The following GSE1 variants were observed in gnomAD, a reference collection of about 807,000 sequenced individuals.
GSE1 encodes genetic suppressor element 1.
In GSE1, 32 loss-of-function variants were observed where a neutral mutation model predicts 112.6. The ratio of observed to expected loss-of-function variants is 0.28; its 90% CI spans 0.21 to 0.38. The LOEUF is 0.38. Among genes scored for constraint, GSE1 ranks in the 10% least tolerant of loss-of-function variants. The pLI is 1.00. For missense variants in GSE1, 2,348 were observed against 1,699.2 expected (o/e 1.38, Z -6.71); for synonymous variants, 1,115 against 735.6 (o/e 1.52, Z -8.35).
intron 8 of GSE1, among the ~76,000 whole-genome samples, chr16:85,658,808 TTCCTCAGGGC>T (rs566010285): frequency 6.6e-6 from 1 of 152,122 alleles, no homozygotes; most frequent in Non-Finnish European, 1.5e-5. Flanking sequence ...AGGCATCTTC[TTCCTCAGGGC>T]TCCCCAGGGC....
At chr16:85,203,612 C>T (rs765471697) in intron 1 of GSE1, among the ~76,000 whole-genome samples, 9 of 152,198 alleles carry the variant, frequency 5.9e-5, no homozygotes, top group Non-Finnish European at 1.2e-4. Flanking sequence ...GATAGGCAGC[C>T]AAGGCCAAGC....
chr16:85,577,869 G>T (rs556631513), intron 1 of GSE1, among the ~76,000 whole-genome samples: 29 of 152,370 alleles, frequency 1.9e-4, no homozygotes, highest in Admixed American at 4.6e-4. Flanking sequence ...GCATTTCTCA[G>T]TTGAGCTGAG....
At chr16:85,400,249 TTG>T (rs60393248) in intron 2 of GSE1, among the ~76,000 whole-genome samples, 15,648 of 150,452 alleles carry the variant, frequency 0.1, 2,064 homozygotes, top group African/African-American at 0.29. Flanking sequence ...AAGTGTAGGG[TTG>T]TGTGTGTGTG....
chr16:85,575,634 GT>G lies in GSE1; in HGVS notation c.37+19278del, dbSNP rs1055939820. ...CATATGGATGTGTTCATTTTATAGG[GT>G]TTTTTTCCTCCCCCTTAATAATAAT... is the stretch of plus-strand genomic sequence containing the variant. On this transcript the variant is annotated intron_variant, in intron 1 of 2. Coordinates refer to the GSE1 transcript ENST00000635906. Among the ~76,000 whole-genome samples the G allele has an allele frequency of 4.6e-4, 70 of 152,138 alleles. 1 individual carries two copies. Among genetic ancestry groups the G allele is most frequent in the African/African-American group, 1.6e-3 (65 of 41,494 alleles).
At chr16:85,537,999 A>G (rs1268087397) in intron 2 of GSE1, among the ~76,000 whole-genome samples, 1 of 152,172 alleles carries the variant, frequency 6.6e-6, no homozygotes, top group Non-Finnish European at 1.5e-5. Context: ...AGTGAGGGCC[A>G]TGGAGCCAGA....
intron 1 of GSE1, among the ~76,000 whole-genome samples, chr16:85,270,779 T>G (rs1908752141): frequency 7.9e-6 from 1 of 125,984 alleles, no homozygotes; most frequent in Non-Finnish European, 2.0e-5. Flanking sequence ...GAGAGGTTCC[T>G]TATGAGGTCT....
upstream of GSE1, chr16:85,554,845 G>T: frequency 2.0e-6 from 2 of 980,982 alleles, no homozygotes; most frequent in Non-Finnish European, 2.4e-6. Context: ...GGCAGCCGGA[G>T]GGGGGGCCAG....
In GSE1 at chr16:85,631,516, A is replaced by G. The variant is rs1251499876; in HGVS notation, c.8-2398A>G. On this transcript the variant is annotated intron_variant, in intron 1 of 15. Transcript: ENST00000253458. ...CCATTGTGGCTCCAGTGGGGTGAGC[A>G]TCGCAGACTCAGAGCATGGGTCCCA... Among the ~76,000 whole-genome samples, 16 of 152,242 alleles carry G rather than the reference A, an allele frequency of 1.1e-4. 1 individual carries two copies. Among genetic ancestry groups the G allele is most frequent in the Admixed American group, 2.0e-4 (3 of 15,290 alleles).
At chr16:85,529,721 G>A (rs73267300) in intron 2 of GSE1, among the ~76,000 whole-genome samples, 2,428 of 152,264 alleles carry the variant, frequency 0.016, 53 homozygotes, top group African/African-American at 0.056. Context: ...GGCTAGGGGA[G>A]GGTAGGTGGA....
chr16:85,324,606 A>T (rs1007201708), intron 1 of GSE1, among the ~76,000 whole-genome samples: 1 of 152,204 alleles, frequency 6.6e-6, no homozygotes, highest in Non-Finnish European at 1.5e-5. Flanking sequence ...TAATAGCCTA[A>T]GTGGAAACAG....
intron 2 of GSE1, among the ~76,000 whole-genome samples, chr16:85,421,575 G>C (rs2048846139): frequency 6.6e-6 from 1 of 152,212 alleles, no homozygotes; most frequent in African/African-American, 2.4e-5. Flanking sequence ...TTCTGACCAG[G>C]CGGGGAGGAG....
intron 1 of GSE1, among the ~76,000 whole-genome samples, chr16:85,207,286 G>T (rs1011864748): frequency 3.9e-5 from 6 of 152,242 alleles, no homozygotes; most frequent in African/African-American, 1.4e-4. Context: ...GCTCCGCTCT[G>T]CGGGCCAGGC....
At chr16:85,177,683 G>T (rs1384914395) in intron 1 of GSE1, among the ~76,000 whole-genome samples, 3 of 152,330 alleles carry the variant, frequency 2.0e-5, no homozygotes, top group Non-Finnish European at 4.4e-5. Flanking sequence ...GTGATTTATT[G>T]GCAGTCTCTG....
rs142728270 is a variant in GSE1 at position 85,197,814 on chromosome 16, C to T, written c.2283+26007C>T. Among the ~76,000 whole-genome samples the T allele has an allele frequency of 6.4e-4, 98 of 152,258 alleles. No individual in the cohort carries two copies. The East Asian group carries it at 0.013, about 20-fold the overall frequency. ...CTGCACGTTGTTATAGCTGAGAATCCGAGGCCTGGAGCAGAGAGAGGGTTT... is the reference window on the plus strand; with the variant it reads ...CTGCACGTTGTTATAGCTGAGAATCTGAGGCCTGGAGCAGAGAGAGGGTTT... On this transcript the variant is annotated intron_variant, in intron 1 of 2. Coordinates refer to the GSE1 transcript ENST00000637419.
chr16:85,526,109 A>C (rs1598067967), intron 2 of GSE1, among the ~76,000 whole-genome samples: 1 of 152,088 alleles, frequency 6.6e-6, no homozygotes. Context: ...AGAGACAGGC[A>C]CCTGAGCCTG....
intron 2 of GSE1, among the ~76,000 whole-genome samples, chr16:85,365,268 C>T (rs1341812148): frequency 6.6e-6 from 1 of 152,252 alleles, no homozygotes; most frequent in Non-Finnish European, 1.5e-5. Context: ...GTCTCCCTGT[C>T]TGCTTCTGAG....
chr16:85,560,053 A>G (rs2045436899), intron 1 of GSE1, among the ~76,000 whole-genome samples: 1 of 146,846 alleles, frequency 6.8e-6, no homozygotes, highest in South Asian at 2.1e-4. Context: ...AATAATTCTT[A>G]TTTTGTCACG....
At chr16:85,292,549 G>A (rs1033698409) in intron 1 of GSE1, among the ~76,000 whole-genome samples, 3 of 152,064 alleles carry the variant, frequency 2.0e-5, no homozygotes, top group South Asian at 2.1e-4. Flanking sequence ...GGATGGTCTC[G>A]ATCTTGTGAC....
chr16:85,360,040 A>T (rs988889378), intron 2 of GSE1, among the ~76,000 whole-genome samples: 10 of 151,974 alleles, frequency 6.6e-5, no homozygotes, highest in Admixed American at 3.3e-4. Flanking sequence ...TCTCAAAAAA[A>T]TTTTTTTTAA....
Sources: allele counts gnomAD v4.1 joint callset (sites outside exome capture counted in the v4.1 genomes callset), GRCh38; gene constraint gnomAD v4.1.1; transcripts MANE v1.5; gene names NCBI Gene and HGNC (gene_info 2026-07-23, HGNC 2026-07-21).